Variants in PDE4C observed in about 807,000 individuals in gnomAD.
PDE4C encodes the protein 3',5'-cyclic-AMP phosphodiesterase 4C.
In PDE4C, 50 loss-of-function variants were observed where a neutral mutation model predicts 63.9. That is an observed-to-expected ratio of 0.78 (90% CI 0.62 to 0.99). PDE4C has a LOEUF of 0.99. PDE4C is among the 50% of genes least tolerant of loss of function. The pLI is 0.00. For missense variants in PDE4C, 777 were observed against 899.1 expected (o/e 0.86, Z 1.74); for synonymous variants, 377 against 385.1 (o/e 0.98, Z 0.25).
At chr19:18,240,357 G>A (rs1024327855) in intron 1 of PDE4C, among the ~76,000 whole-genome samples, 5 of 146,254 alleles carry the variant, frequency 3.4e-5, no homozygotes, top group Non-Finnish European at 7.5e-5. Context: ...GAGCCCAGGA[G>A]GTTGAGACTG....
chr19:18,251,433 TTTTA>T (rs968241926), upstream of PDE4C, among the ~76,000 whole-genome samples: 3 of 146,718 alleles, frequency 2.0e-5, no homozygotes, highest in Non-Finnish European at 4.5e-5. Flanking sequence ...GCCATTTTTA[TTTTA>T]TTTATTTATT....
chr19:18,215,210 C>A (rs1241435244), intron 12 of PDE4C, among the ~76,000 whole-genome samples: 1 of 152,166 alleles, frequency 6.6e-6, no homozygotes, highest in Non-Finnish European at 1.5e-5. Context: ...GGGGTTCCCT[C>A]TGCTGAGAAC....
chr19:18,233,654 A>C, exon 1 of PDE4C: 2 of 377,532 alleles, frequency 5.3e-6, no homozygotes, highest in East Asian at 1.5e-4. Flanking sequence ...CCGTGTTGAA[A>C]GAGAAAAAGG....
intron 7 of PDE4C, among the ~76,000 whole-genome samples, chr19:18,219,884 T>A (rs1265273595): frequency 6.6e-6 from 1 of 151,866 alleles, no homozygotes; most frequent in Non-Finnish European, 1.5e-5. Flanking sequence ...TGTTCACAGC[T>A]GATCTCAGTA....
rs1185665381 is a variant in PDE4C at position 18,210,777 on chromosome 19, G to A, written c.*152C>T. ...AGCCAGGTGCCTCCAATTAGACCCTGGGAGCCACCTATAACTAAGAGCTTG... is the reference window on the plus strand; with the variant it reads ...AGCCAGGTGCCTCCAATTAGACCCTAGGAGCCACCTATAACTAAGAGCTTG... On this transcript the variant is annotated 3_prime_UTR_variant, in exon 15 of 15. Transcript: ENST00000262805. 1.9e-5 allele frequency: 26 copies of A among 1,348,972 alleles called. No homozygotes were observed. The East Asian group carries it at 6.4e-4, about 33-fold the overall frequency. 83.6% of individuals were successfully genotyped at this position (1,348,972 alleles called of 1,614,324 possible).
chr19:18,211,754 C>A lies in PDE4C; in HGVS notation c.1695+5G>T, dbSNP rs1217362393. Reference sequence around the variant, plus strand: ...TCTACCGGTTCAGCCCAGTCCCCTGCCAACCTGGGACTTCTCCACTGAGGC... The same window carrying A: ...TCTACCGGTTCAGCCCAGTCCCCTGACAACCTGGGACTTCTCCACTGAGGC... On this transcript the variant is annotated splice_donor_5th_base_variant and intron_variant, in intron 14 of 14. Transcript: ENST00000262805. 1 of 1,613,934 alleles carries A rather than the reference C, an allele frequency of 6.2e-7. No individual in the cohort carries two copies. The highest frequency in any genetic ancestry group is 8.5e-7 in the Non-Finnish European group (1 of 1,179,888).
chr19:18,226,884 G>C (rs536865100), upstream of PDE4C, among the ~76,000 whole-genome samples: 3 of 152,190 alleles, frequency 2.0e-5, no homozygotes, highest in African/African-American at 7.2e-5. Context: ...GGGATTATAG[G>C]TGTGAGCCAT....
chr19:18,251,291 A>G (rs545842592), upstream of PDE4C, among the ~76,000 whole-genome samples: 2 of 145,096 alleles, frequency 1.4e-5, no homozygotes, highest in Non-Finnish European at 3.0e-5. Flanking sequence ...ATGCCTGGCT[A>G]TTTTTTGTAT....
At chr19:18,244,522 G>T (rs1054864650) in intron 1 of PDE4C, among the ~76,000 whole-genome samples, 1 of 150,664 alleles carries the variant, frequency 6.6e-6, no homozygotes, top group African/African-American at 2.4e-5. Flanking sequence ...GTTTTGGTTT[G>T]TTTTTTGAGA....
At chr19:18,245,485 T>A (rs1166824850) in intron 1 of PDE4C, among the ~76,000 whole-genome samples, 1 of 152,152 alleles carries the variant, frequency 6.6e-6, no homozygotes, top group Non-Finnish European at 1.5e-5. Flanking sequence ...TCCTTAAACC[T>A]GCCTCGGGGC....
At chr19:18,233,254 G>A (rs1329711591) in exon 1 of PDE4C, 1 of 1,539,522 alleles carries the variant, frequency 6.5e-7, no homozygotes, top group African/African-American at 1.4e-5. Context: ...CGGGCGCCGA[G>A]GAGCGTCTGC....
At chr19:18,222,701 T>TTTC (rs1491253924) in intron 1 of PDE4C, among the ~76,000 whole-genome samples, 19 of 22,036 alleles carry the variant, frequency 8.6e-4, no homozygotes, top group Non-Finnish European at 1.4e-3. Context: ...CTTTCTTTTC[T>TTTC]TTTTTTTTTT....
upstream of PDE4C, among the ~76,000 whole-genome samples, chr19:18,250,688 C>T (rs906941271): frequency 5.3e-5 from 8 of 152,122 alleles, no homozygotes; most frequent in Non-Finnish European, 1.0e-4. Flanking sequence ...CTCACTGCAG[C>T]CTCTATCTCC....
At position 18,219,509 on chromosome 19, in the gene PDE4C, G is replaced by C. The variant is rs967323464; in HGVS notation, c.707-112C>G. ...AATCAACCTATTTCCCTTTCTACAG[G>C]AACCAAAGTAAGTTCGGAGTAAAGA... On this transcript the variant is annotated intron_variant, in intron 7 of 14. Transcript: ENST00000262805. 3 of 1,252,624 alleles carry C rather than the reference G, an allele frequency of 2.4e-6. No homozygotes were observed. The African/African-American group carries it at 4.5e-5, about 19-fold the overall frequency. The allele number at this position is 1,252,624 out of a possible 1,614,324, so 77.6% of individuals were successfully genotyped here.
At chr19:18,221,009 T>C in intron 4 of PDE4C, 86 bp from the exon 5 acceptor site, 3 of 1,475,190 alleles carry the variant, frequency 2.0e-6, no homozygotes, top group Non-Finnish European at 2.7e-6. Flanking sequence ...CAAACCCACC[T>C]GGAGGCGCCG....
intron 1 of PDE4C, chr19:18,224,488 G>T (rs1968640608): frequency 1.0e-6 from 1 of 985,412 alleles, no homozygotes; most frequent in African/African-American, 1.7e-5. Context: ...GTCTGATCAC[G>T]TCGAATTGGA....
At chr19:18,215,150 T>TA (rs1186899580) in intron 12 of PDE4C, among the ~76,000 whole-genome samples, 1 of 152,010 alleles carries the variant, frequency 6.6e-6, no homozygotes, top group Non-Finnish European at 1.5e-5. Context: ...CACCAAACGT[T>TA]TAGTTCTTTC....
At chr19:18,223,136 G>A (rs956642070) in intron 1 of PDE4C, among the ~76,000 whole-genome samples, 6 of 151,642 alleles carry the variant, frequency 4.0e-5, no homozygotes, top group Admixed American at 6.6e-5. Context: ...TCCACCTCCC[G>A]GGTTCAAGCA....
intron 7 of PDE4C, 187 bp from the exon 8 acceptor site, chr19:18,219,584 G>A (rs1968370463): frequency 3.2e-6 from 2 of 626,538 alleles, no homozygotes; most frequent in African/African-American, 3.7e-5. Flanking sequence ...AGTGCTTTGG[G>A]AGGTCGAGGT....
Sources: gnomAD v4.1 joint callset for allele counts (sites outside exome capture counted in the v4.1 genomes callset) on GRCh38, gnomAD v4.1.1 for gene constraint, MANE v1.5 for transcripts, NCBI Gene and HGNC (gene_info 2026-07-23, HGNC 2026-07-21) for gene names.